Variants in RDX observed in about 807,000 individuals in gnomAD.
RDX encodes deafness, autosomal recessive 24.
RDX carries 32 observed loss-of-function variants against 83.7 expected under a neutral mutation model. The ratio of observed to expected loss-of-function variants is 0.38; its 90% CI spans 0.29 to 0.51. RDX has a LOEUF of 0.51. Among genes scored for constraint, RDX ranks in the 20% least tolerant of loss-of-function variants. The probability of loss-of-function intolerance (pLI) is 0.87; values close to 1 mark genes in which losing one functional copy is unlikely to be tolerated. For synonymous variants in RDX, 229 were observed against 222.7 expected, an observed-to-expected ratio of 1.03 and a Z score of -0.25; for missense variants, 600 against 689.9, an observed-to-expected ratio of 0.87 and a Z score of 1.46.
At chr11:110,265,674 T>C (rs1010237599) in intron 3 of RDX, among the ~76,000 whole-genome samples, 4 of 152,168 alleles carry the variant, frequency 2.6e-5, no homozygotes, top group Non-Finnish European at 5.9e-5. Context: ...GAACATACCA[T>C]AAATTCCACC....
chr11:110,291,933 G>A (rs1454673522), intron 1 of RDX, among the ~76,000 whole-genome samples: 1 of 152,150 alleles, frequency 6.6e-6, no homozygotes, highest in African/African-American at 2.4e-5. Flanking sequence ...TCTGAGGCAG[G>A]ATGATCATTT....
At chr11:110,281,968 C>CA (rs1311555344) in intron 1 of RDX, among the ~76,000 whole-genome samples, 99 of 123,786 alleles carry the variant, frequency 8.0e-4, no homozygotes, top group South Asian at 1.3e-3. Context: ...ACCAAACAAA[C>CA]AAAAAAAAAA....
At chr11:110,232,406 ATTTTC>A (rs1350099107) in intron 13 of RDX, among the ~76,000 whole-genome samples, 19 of 152,046 alleles carry the variant, frequency 1.2e-4, no homozygotes, top group Admixed American at 1.2e-3. Flanking sequence ...CTATCACCTC[ATTTTC>A]TTTTAATATT....
intron 10 of RDX, among the ~76,000 whole-genome samples, chr11:110,244,655 C>T (rs1042378054): frequency 1.3e-5 from 2 of 152,058 alleles, no homozygotes; most frequent in Non-Finnish European, 1.5e-5. Context: ...GATAGCTGTA[C>T]AACTTTGTGA....
At chr11:110,204,457 A>C (rs1477725539) in intron 14 of RDX, among the ~76,000 whole-genome samples, 1 of 149,478 alleles carries the variant, frequency 6.7e-6, no homozygotes, top group African/African-American at 2.5e-5. Flanking sequence ...CATATTCATG[A>C]TTAGGAATGC....
chr11:110,194,369 G>A (rs1039935321), intron 15 of RDX, among the ~76,000 whole-genome samples: 5 of 152,122 alleles, frequency 3.3e-5, no homozygotes, highest in African/African-American at 1.2e-4. Context: ...ACAGGCACCT[G>A]CCACCACACC....
chr11:110,190,266 C>T (rs1462529370), intron 15 of RDX, among the ~76,000 whole-genome samples: 3 of 151,988 alleles, frequency 2.0e-5, no homozygotes, highest in Admixed American at 2.0e-4. Flanking sequence ...ATGGTGAAAC[C>T]CCGTCTCTAC....
intron 7 of RDX, among the ~76,000 whole-genome samples, chr11:110,255,952 CACAT>C (rs922018395): frequency 4.6e-5 from 7 of 152,180 alleles, no homozygotes; most frequent in African/African-American, 1.7e-4. Flanking sequence ...TTTAAACACT[CACAT>C]ACATAAATAT....
At chr11:110,211,154 C>A (rs991050353) in intron 14 of RDX, among the ~76,000 whole-genome samples, 1 of 151,838 alleles carries the variant, frequency 6.6e-6, no homozygotes, top group Admixed American at 6.6e-5. Context: ...TCTACCAAGC[C>A]AATGGAAAAC....
chr11:110,216,489 C>T (rs886881002), intron 14 of RDX, among the ~76,000 whole-genome samples: 1 of 151,680 alleles, frequency 6.6e-6, no homozygotes, highest in Non-Finnish European at 1.5e-5. Context: ...CCTCCCACCT[C>T]AGCCTCCCAA....
At chr11:110,269,667 G>A (rs1164098419) in intron 3 of RDX, among the ~76,000 whole-genome samples, 1 of 152,222 alleles carries the variant, frequency 6.6e-6, no homozygotes, top group Non-Finnish European at 1.5e-5. Flanking sequence ...CTGCATTTGA[G>A]TTCAAGGAAA....
At chr11:110,273,900 G>A (rs548214488) in intron 2 of RDX, among the ~76,000 whole-genome samples, 71 of 152,100 alleles carry the variant, frequency 4.7e-4, no homozygotes, top group African/African-American at 1.6e-3. Context: ...ATATTAATAC[G>A]TATTACTGCA....
chr11:110,295,641 T>TGAA (rs1565341793), intron 1 of RDX, among the ~76,000 whole-genome samples: 3 of 62,284 alleles, frequency 4.8e-5, no homozygotes, highest in Non-Finnish European at 1.2e-4. Context: ...CTGTTTAAAC[T>TGAA]GAAAAAAAAA....
At chr11:110,274,062 A>G (rs1357100504) in intron 2 of RDX, among the ~76,000 whole-genome samples, 1 of 152,230 alleles carries the variant, frequency 6.6e-6, no homozygotes. Flanking sequence ...AGCACATTAT[A>G]GCTTTCACCT....
chr11:110,258,311 G>A, intron 5 of RDX, 122 bp from the exon 6 acceptor site: 1 of 666,562 alleles, frequency 1.5e-6, no homozygotes, highest in Non-Finnish European at 2.6e-6. Flanking sequence ...TAATACACAT[G>A]ATGAAATTGC....
chr11:110,295,924 T>G (rs1861437059), intron 1 of RDX, among the ~76,000 whole-genome samples: 1 of 152,196 alleles, frequency 6.6e-6, no homozygotes, highest in South Asian at 2.1e-4. Flanking sequence ...ACATCCCCTT[T>G]GCCACTGGGG....
intron 1 of RDX, among the ~76,000 whole-genome samples, chr11:110,293,586 C>G (rs978560510): frequency 5.9e-5 from 9 of 152,158 alleles, no homozygotes; most frequent in African/African-American, 2.2e-4. Context: ...TCAGCTGGAT[C>G]AGTAATGCCA....
chr11:110,284,666 G>A (rs12271296), intron 1 of RDX, among the ~76,000 whole-genome samples: 72,429 of 151,680 alleles, frequency 0.48, 18,051 homozygotes, highest in African/African-American at 0.63. Flanking sequence ...GACTACAGGC[G>A]CCTGCCACCA....
chr11:110,182,781 G>A (rs907656008), intron 15 of RDX, among the ~76,000 whole-genome samples: 1 of 152,120 alleles, frequency 6.6e-6, no homozygotes, highest in African/African-American at 2.4e-5. Flanking sequence ...AGGCTGTCCG[G>A]GGTAACAGGA....
Sources: gnomAD v4.1 joint callset for allele counts (sites outside exome capture counted in the v4.1 genomes callset) on GRCh38, gnomAD v4.1.1 for gene constraint, MANE v1.5 for transcripts, NCBI Gene and HGNC (gene_info 2026-07-23, HGNC 2026-07-21) for gene names.